Variants in SLC25A15 observed in about 807,000 individuals in gnomAD.
The protein encoded by SLC25A15 is mitochondrial ornithine transporter 1.
SLC25A15 carries 24 observed loss-of-function variants against 32.3 expected under a neutral mutation model. The ratio of observed to expected loss-of-function variants is 0.74; its 90% CI spans 0.54 to 1.04. The LOEUF is 1.04. SLC25A15 is among the 50% of genes least tolerant of loss of function. SLC25A15 has a pLI of 0.00. For missense variants in SLC25A15, 317 were observed against 374.5 expected (o/e 0.85, Z 1.27); for synonymous variants, 132 against 142.1 (o/e 0.93, Z 0.51).
At chr13:40,804,543 ATT>A (rs11354749) in intron 3 of SLC25A15, among the ~76,000 whole-genome samples, 18,188 of 136,052 alleles carry the variant, frequency 0.13, 2,296 homozygotes, top group African/African-American at 0.35. Flanking sequence ...TCCTTTCATC[ATT>A]TTTTTTTTTT....
intron 1 of SLC25A15, among the ~76,000 whole-genome samples, chr13:40,791,957 G>A (rs1342024425): frequency 1.3e-5 from 2 of 152,172 alleles, no homozygotes; most frequent in Admixed American, 6.5e-5. Flanking sequence ...CGTGCTTGGT[G>A]TTCATCTCTG....
intron 1 of SLC25A15, among the ~76,000 whole-genome samples, chr13:40,791,783 G>C (rs1881513992): frequency 6.6e-6 from 1 of 152,176 alleles, no homozygotes; most frequent in Admixed American, 6.5e-5. Context: ...TAACTTAGTT[G>C]CTTTATTAAG....
chr13:40,804,759 C>T (rs1332265368), intron 3 of SLC25A15, among the ~76,000 whole-genome samples: 3 of 151,188 alleles, frequency 2.0e-5, no homozygotes, highest in Admixed American at 2.0e-4. Context: ...ACCATGTTAG[C>T]CAGGATGGTC....
chr13:40,792,563 C>T (rs1881549805), intron 1 of SLC25A15, among the ~76,000 whole-genome samples: 1 of 152,240 alleles, frequency 6.6e-6, no homozygotes, highest in Non-Finnish European at 1.5e-5. Flanking sequence ...TCCCATCAGT[C>T]TGATGTGGCT....
At chr13:40,808,656 G>T (rs78114351) in intron 6 of SLC25A15, 60 bp downstream of exon 6, 16 of 1,496,942 alleles carry the variant, frequency 1.1e-5, no homozygotes, top group Non-Finnish European at 1.4e-5. Flanking sequence ...GATACGGGCC[G>T]GGCGTGGTGG....
intron 2 of SLC25A15, among the ~76,000 whole-genome samples, chr13:40,797,062 T>G (rs1277296349): frequency 1.3e-5 from 2 of 152,198 alleles, no homozygotes; most frequent in Admixed American, 1.3e-4. Flanking sequence ...CTACTAGGTG[T>G]CAGTCTCTGT....
intron 3 of SLC25A15, 99 bp downstream of exon 3, chr13:40,799,414 G>A: frequency 6.7e-7 from 1 of 1,488,320 alleles, no homozygotes; most frequent in Non-Finnish European, 9.3e-7. Flanking sequence ...ACTTTGGGAG[G>A]CAAAGGCAGG....
At chr13:40,808,932 C>CAAAAAAA (rs58015661) in intron 6 of SLC25A15, among the ~76,000 whole-genome samples, 21,576 of 78,000 alleles carry the variant, frequency 0.28, 3,716 homozygotes, top group Non-Finnish European at 0.41. Flanking sequence ...GACTCTGTCT[C>CAAAAAAA]AAAAAAAAAA....
Position 40,793,201 on chromosome 13 carries a change from C to G in SLC25A15, c.-26C>G. On this transcript the variant is annotated 5_prime_UTR_variant, in exon 2 of 7. Transcript: ENST00000338625. ...ATAAGCTCCAGAGAGCTGCCTTCCA[C>G]AAGACCAGCAGAAGAGTGGGCAAAC... is the stretch of plus-strand genomic sequence containing the variant. 1 of 1,613,892 alleles carries G rather than the reference C, an allele frequency of 6.2e-7. No individual in the cohort carries two copies. Among genetic ancestry groups the G allele is most frequent in the East Asian group, 2.2e-5 (1 of 44,880 alleles).
chr13:40,795,637 T>G, intron 2 of SLC25A15, among the ~76,000 whole-genome samples: 1 of 151,890 alleles, frequency 6.6e-6, no homozygotes, highest in East Asian at 1.9e-4. Context: ...CGAAGCCCAT[T>G]CCTGGGGGGA....
Position 40,799,079 on chromosome 13 carries a change from C to T in SLC25A15, c.78C>T (p.Thr26=), listed in dbSNP as rs1450925149. ...GAAGGTACVL[T]GQPFDTMKVK... ...CAGGAGGTACAGCATGTGTACTGAC[C>T]GGGCAGCCCTTTGACACAATGAAAG... Residue 26 remains threonine, a synonymous_variant, in exon 3 of 7, where the codon ACC becomes ACT. Transcript: ENST00000338625. The T allele has an allele frequency of 1.1e-5, 17 of 1,614,122 alleles. No individual in the cohort carries two copies. The highest frequency in any genetic ancestry group is 5.5e-5 in the South Asian group (5 of 91,074).
rs1468524501 is a variant in SLC25A15 at position 40,812,369 on chromosome 13, A to G, written c.*2702A>G. 6.6e-6 allele frequency among the ~76,000 whole-genome samples: 1 copy of G among 152,184 alleles called. No individual in the cohort carries two copies. Among genetic ancestry groups the G allele is most frequent in the Non-Finnish European group, 1.5e-5 (1 of 68,036 alleles). On this transcript the variant is annotated 3_prime_UTR_variant, in exon 7 of 7. Coordinates refer to ENST00000338625, the MANE Select transcript of SLC25A15 (RefSeq NM_014252.4). Reference sequence around the variant, plus strand: ...CTTAATTCAGAGTACAGTTTGTGCTATTTCATATCTGTACTCCAGGCAGAA... The same window carrying G: ...CTTAATTCAGAGTACAGTTTGTGCTGTTTCATATCTGTACTCCAGGCAGAA...
Position 40,805,098 on chromosome 13 carries a change from G to A in SLC25A15, c.315-20G>A. 6.2e-7 allele frequency: 1 copy of A among 1,613,870 alleles called. No individual in the cohort carries two copies. The highest frequency in any genetic ancestry group is 1.1e-5 in the South Asian group (1 of 91,076). ...GGAATGAAGAAACTGAGGGGTAACT[G>A]TCTGCTTGTGTGCTTTCAGTGATCT... On this transcript the variant is annotated intron_variant, in intron 3 of 6. Coordinates refer to ENST00000338625, the MANE Select transcript of SLC25A15 (RefSeq NM_014252.4).
At chr13:40,791,596 T>C (rs1226846312) in intron 1 of SLC25A15, among the ~76,000 whole-genome samples, 4 of 151,880 alleles carry the variant, frequency 2.6e-5, no homozygotes, top group Admixed American at 2.6e-4. Flanking sequence ...GACCTCGTGA[T>C]CCTCCCACCT....
chr13:40,803,908 T>G (rs566126503), intron 3 of SLC25A15, among the ~76,000 whole-genome samples: 26 of 152,232 alleles, frequency 1.7e-4, no homozygotes, highest in Admixed American at 1.2e-3. Flanking sequence ...GCAGACACAC[T>G]GAAGTATTAA....
At position 40,810,434 on chromosome 13, in the gene SLC25A15, A is replaced by G. The variant is rs1408850376; in HGVS notation, c.*767A>G. ...CACCTCGGCCTCCCAAAGTGCTGGG[A>G]TTACTGGTGTGAGCCACCATGCCCA... On this transcript the variant is annotated 3_prime_UTR_variant, in exon 7 of 7. Transcript: ENST00000338625. Among the ~76,000 whole-genome samples, 1 of 152,198 alleles carries G rather than the reference A, an allele frequency of 6.6e-6. No individual in the cohort carries two copies. Among genetic ancestry groups the G allele is most frequent in the Non-Finnish European group, 1.5e-5 (1 of 68,034 alleles).
rs1300794336 is a variant in SLC25A15, at chr13:40,809,905, T to C, written c.*238T>C. ...GACCGCTCTTGCTCTTGGTAAAATA[T>C]AGAGTGGTCAGTAGCCTTATGCACC... On this transcript the variant is annotated 3_prime_UTR_variant, in exon 7 of 7. Coordinates refer to ENST00000338625, the MANE Select transcript of SLC25A15 (RefSeq NM_014252.4). The C allele has an allele frequency of 1.5e-5, 8 of 524,108 alleles. No homozygotes were observed. The Admixed American group carries it at 1.9e-4, about 12-fold the overall frequency. The allele number at this position is 524,108 out of a possible 1,614,324, so 32.5% of individuals were successfully genotyped here. A position where few individuals can be genotyped will look rare whatever the true frequency, so the allele number is the denominator to read the frequency against.
At position 40,810,576 on chromosome 13, in the gene SLC25A15, G is replaced by A. The variant is rs1882404876; in HGVS notation, c.*909G>A. On this transcript the variant is annotated 3_prime_UTR_variant, in exon 7 of 7. Coordinates refer to ENST00000338625, the MANE Select transcript of SLC25A15 (RefSeq NM_014252.4). The stretch of plus-strand genomic sequence containing the variant: ...GTGTGGCTTCCACACTTGAGTAAAA[G>A]CTTCAGAGTAGGTATCCTAGATTTC... Among the ~76,000 whole-genome samples the A allele has an allele frequency of 6.6e-6, 1 of 152,134 alleles. No homozygotes were observed. The highest frequency in any genetic ancestry group is 2.4e-5 in the African/African-American group (1 of 41,412).
intron 6 of SLC25A15, 122 bp downstream of exon 6, chr13:40,808,718 G>A (rs1181341832): frequency 2.6e-6 from 2 of 774,556 alleles, no homozygotes; most frequent in Non-Finnish European, 4.2e-6. Flanking sequence ...TGGATCATGA[G>A]GTCAGGAGAT....
Sources: allele counts gnomAD v4.1 joint callset (sites outside exome capture counted in the v4.1 genomes callset), GRCh38; gene constraint gnomAD v4.1.1; transcripts MANE v1.5; gene names NCBI Gene and HGNC (gene_info 2026-07-23, HGNC 2026-07-21).